The following ALK variants were observed in gnomAD, a reference collection of about 807,000 sequenced individuals.
ALK encodes ALK receptor tyrosine kinase, also known as ALK tyrosine kinase receptor.
ALK carries 74 observed loss-of-function variants against 163.1 expected under a neutral mutation model. That is an observed-to-expected ratio of 0.45 (90% CI 0.38 to 0.55). The LOEUF is 0.55. Ranked by LOEUF, ALK falls within the 20% of genes least tolerant of loss-of-function variation. ALK has a pLI of 0.00. For missense variants in ALK, 2,063 were observed against 2,105.3 expected (o/e 0.98, Z 0.39); for synonymous variants, 960 against 843.2 (o/e 1.14, Z -2.40).
intron 9 of ALK, among the ~76,000 whole-genome samples, chr2:29,279,440 G>A (rs1665650947): frequency 6.6e-6 from 1 of 152,158 alleles, no homozygotes; most frequent in South Asian, 2.1e-4. Flanking sequence ...ACAAAGGTGG[G>A]ACAAAGGTGA....
intron 3 of ALK, among the ~76,000 whole-genome samples, chr2:29,637,825 T>C (rs1312264226): frequency 6.6e-6 from 1 of 152,076 alleles, no homozygotes; most frequent in African/African-American, 2.4e-5. Context: ...TTACTGTTAG[T>C]GGAAATTGTG....
intron 1 of ALK, among the ~76,000 whole-genome samples, chr2:29,813,407 G>A (rs750036796): frequency 7.9e-5 from 12 of 152,138 alleles, no homozygotes; most frequent in Non-Finnish European, 1.5e-4. Context: ...ATGGGGGTTT[G>A]AGGGGAATTA....
chr2:29,325,495 G>C (rs965032901), intron 6 of ALK, among the ~76,000 whole-genome samples: 6 of 152,208 alleles, frequency 3.9e-5, no homozygotes, highest in African/African-American at 9.6e-5. Context: ...GAGACCCAGA[G>C]GGGGAGGCCC....
Position 29,515,283 on chromosome 2 carries a change from T to G in ALK, c.1154+16632A>C, listed in dbSNP as rs1007233402. Among the ~76,000 whole-genome samples, 7 of 152,180 alleles carry G rather than the reference T, an allele frequency of 4.6e-5. 1 individual carries two copies. The highest frequency in any genetic ancestry group is 2.6e-4 in the Admixed American group (4 of 15,274). ...TGCAAGCCTGTACCCCTCTGTCATG[T>G]ATCACTGTGGCAATGACATAATTAT... On this transcript the variant is annotated intron_variant, in intron 4 of 28. Transcript: ENST00000389048.
intron 3 of ALK, among the ~76,000 whole-genome samples, chr2:29,622,133 G>C (rs571304802): frequency 2.0e-5 from 3 of 152,198 alleles, no homozygotes; most frequent in African/African-American, 7.2e-5. Context: ...CTGTGAGCCA[G>C]TTGGTAAATC....
chr2:29,386,841 T>C (rs1165948775), intron 4 of ALK, among the ~76,000 whole-genome samples: 2 of 152,210 alleles, frequency 1.3e-5, no homozygotes, highest in Non-Finnish European at 2.9e-5. Flanking sequence ...ATATCTAGGG[T>C]CAGATTTGTT....
At chr2:29,891,783 G>T (rs893939612) in intron 1 of ALK, among the ~76,000 whole-genome samples, 1 of 152,184 alleles carries the variant, frequency 6.6e-6, no homozygotes, top group African/African-American at 2.4e-5. Flanking sequence ...GGCTGATAAG[G>T]AAGGTCAGTG....
At chr2:29,881,817 T>C (rs1361234046) in intron 1 of ALK, among the ~76,000 whole-genome samples, 1 of 152,202 alleles carries the variant, frequency 6.6e-6, no homozygotes, top group African/African-American at 2.4e-5. Context: ...TATTTTCTCA[T>C]TATTACTTTC....
chr2:29,255,071 C>T (rs1664918165), intron 11 of ALK, among the ~76,000 whole-genome samples: 1 of 152,174 alleles, frequency 6.6e-6, no homozygotes, highest in Non-Finnish European at 1.5e-5. Context: ...TCTGTTGCTC[C>T]CAGCAGCCTT....
intron 3 of ALK, among the ~76,000 whole-genome samples, chr2:29,651,223 G>A (rs111868143): frequency 3.9e-5 from 6 of 152,216 alleles, no homozygotes; most frequent in Admixed American, 2.0e-4. Context: ...ACATGATAGT[G>A]GGGGCTGCGC....
At chr2:29,219,779 A>G (rs1669752620) in intron 23 of ALK, among the ~76,000 whole-genome samples, 1 of 152,198 alleles carries the variant, frequency 6.6e-6, no homozygotes, top group Admixed American at 6.5e-5. Flanking sequence ...GACTGCCCTA[A>G]ACTACACGGG....
intron 1 of ALK, among the ~76,000 whole-genome samples, chr2:29,813,219 G>A (rs1030014043): frequency 2.6e-5 from 4 of 152,166 alleles, no homozygotes; most frequent in Non-Finnish European, 5.9e-5. Context: ...TATTTCCTGA[G>A]CCCATCTACT....
chr2:29,826,983 G>A (rs1665219770), intron 1 of ALK, among the ~76,000 whole-genome samples: 1 of 152,332 alleles, frequency 6.6e-6, no homozygotes, highest in South Asian at 2.1e-4. Context: ...TTCAGCTGCT[G>A]TACCCTTACA....
intron 1 of ALK, among the ~76,000 whole-genome samples, chr2:29,783,536 C>CT (rs1380918779): frequency 3.3e-5 from 5 of 152,170 alleles, no homozygotes; most frequent in Admixed American, 1.3e-4. Flanking sequence ...TCATGATGTA[C>CT]TATCCATGCT....
intron 3 of ALK, among the ~76,000 whole-genome samples, chr2:29,647,788 T>TG (rs1403420008): frequency 6.6e-6 from 1 of 150,462 alleles, no homozygotes; most frequent in East Asian, 1.9e-4. Flanking sequence ...TTTTTTTTTT[T>TG]TTTTTTGCCA....
Position 29,344,289 on chromosome 2 carries a change from C to T in ALK, c.1283-15808G>A, listed in dbSNP as rs142860648. Among the ~76,000 whole-genome samples the T allele has an allele frequency of 5.9e-5, 9 of 152,246 alleles. No individual in the cohort carries two copies. The East Asian group carries it at 1.7e-3, about 29-fold the overall frequency. ...CGAGAGGACTATGGAGAGATGGAGA[C>T]TTTGGTATTCTTCTCATGAGTCGGG... On this transcript the variant is annotated intron_variant, in intron 5 of 28. Coordinates refer to ENST00000389048, the MANE Select transcript of ALK (RefSeq NM_004304.5).
At chr2:29,858,481 C>A (rs1425510108) in intron 1 of ALK, among the ~76,000 whole-genome samples, 1 of 151,760 alleles carries the variant, frequency 6.6e-6, no homozygotes, top group Non-Finnish European at 1.5e-5. Flanking sequence ...GTCTATAATC[C>A]CAGCACTTTG....
intron 5 of ALK, among the ~76,000 whole-genome samples, chr2:29,358,897 G>A (rs1379192357): frequency 6.6e-6 from 1 of 151,998 alleles, no homozygotes; most frequent in African/African-American, 2.4e-5. Flanking sequence ...TATTATATAC[G>A]TTCGTAAATG....
chr2:29,720,074 G>T (rs1679378457), intron 1 of ALK, among the ~76,000 whole-genome samples: 1 of 152,058 alleles, frequency 6.6e-6, no homozygotes, highest in Non-Finnish European at 1.5e-5. Flanking sequence ...GTTTGGGAAT[G>T]ATATTAACTT....
Sources: gnomAD v4.1 joint callset for allele counts (sites outside exome capture counted in the v4.1 genomes callset) on GRCh38, gnomAD v4.1.1 for gene constraint, MANE v1.5 for transcripts, NCBI Gene and HGNC (gene_info 2026-07-23, HGNC 2026-07-21) for gene names.